EML2: variants seen among roughly 807,000 people sequenced by gnomAD.
EML2 encodes echinoderm microtubule-associated protein-like 2.
In EML2, 59 loss-of-function variants were observed where a neutral mutation model predicts 84.7. The ratio of observed to expected loss-of-function variants is 0.70; its 90% CI spans 0.56 to 0.86. The LOEUF (loss-of-function observed/expected upper bound fraction) is 0.86, where lower values mean the gene tolerates loss of function less well. Among genes scored for constraint, EML2 ranks in the 40% least tolerant of loss-of-function variants. EML2 has a pLI of 0.00. For synonymous variants in EML2, 352 were observed against 348.9 expected (o/e 1.01, Z -0.10); for missense variants, 818 against 855.6 (o/e 0.96, Z 0.55).
chr19:45,616,854 C>A lies in EML2; in HGVS notation c.1323-1G>T. ...GGTCTCCGTGTCCAGCAGCAGCCAT[C>A]TTGAAGGAGAGGGCGTGGTGGGGGG... On this transcript the variant is annotated splice_acceptor_variant, in intron 13 of 18. Coordinates refer to ENST00000245925, the MANE Select transcript of EML2 (RefSeq NM_012155.4). LOFTEE classifies it high-confidence loss of function. The A allele has an allele frequency of 1.2e-6, 2 of 1,612,252 alleles. No homozygotes were observed. Among genetic ancestry groups the A allele is most frequent in the Non-Finnish European group, 1.7e-6 (2 of 1,179,376 alleles).
intron 6 of EML2, among the ~76,000 whole-genome samples, chr19:45,630,946 C>T (rs866612605): frequency 1.3e-5 from 2 of 152,112 alleles, no homozygotes; most frequent in Non-Finnish European, 2.9e-5. Flanking sequence ...CCTCCACCTC[C>T]CAGGTTCAAG....
intron 3 of EML2, among the ~76,000 whole-genome samples, chr19:45,635,026 T>C (rs556129125): frequency 6.6e-6 from 1 of 151,674 alleles, no homozygotes; most frequent in Non-Finnish European, 1.5e-5. Context: ...AATTTTTGTA[T>C]TTTTAATAGA....
chr19:45,637,647 TTTTTTTTTCTTTTTCTTTTC>T (rs1388861491), intron 3 of EML2, among the ~76,000 whole-genome samples: 3 of 88,956 alleles, frequency 3.4e-5, no homozygotes, highest in Non-Finnish European at 2.8e-5. Context: ...GGCTGGCTAT[TTTTTTTTTCTTTTTCTTTTC>T]TTTTTTTTTT....
In EML2 at chr19:45,609,573, C is replaced by A; in HGVS notation, c.*90G>T. On this transcript the variant is annotated 3_prime_UTR_variant, in exon 19 of 19. Transcript: ENST00000245925. ...CCCCCATAACCCCCTCTGCTATAGACATACTCTGGGTATATATTACTCTAC... is the reference window on the plus strand; with the variant it reads ...CCCCCATAACCCCCTCTGCTATAGAAATACTCTGGGTATATATTACTCTAC... 3.1e-6 allele frequency: 4 copies of A among 1,283,632 alleles called. No individual in the cohort carries two copies. Among genetic ancestry groups the A allele is most frequent in the Non-Finnish European group, 3.1e-6 (3 of 966,570 alleles). 79.5% of individuals were successfully genotyped at this position (1,283,632 alleles called of 1,614,324 possible).
At chr19:45,643,450 C>G, upstream of EML2, 2 of 1,202,536 alleles carry the variant, frequency 1.7e-6, no homozygotes, top group Non-Finnish European at 1.2e-6. Flanking sequence ...CCAGATTTGG[C>G]TCTCCAGCCT....
At chr19:45,645,609 T>A, upstream of EML2, 1 of 614,174 alleles carries the variant, frequency 1.6e-6, no homozygotes, top group Non-Finnish European at 2.7e-6. Context: ...TACCGTCTGG[T>A]CCCGCCCACA....
At chr19:45,618,389 G>A (rs1216457215) in intron 12 of EML2, among the ~76,000 whole-genome samples, 1 of 151,944 alleles carries the variant, frequency 6.6e-6, no homozygotes, top group South Asian at 2.1e-4. Flanking sequence ...TTTTTATTCT[G>A]TTTACATTTT....
chr19:45,626,663 C>T (rs767171480), intron 8 of EML2, 42 bp downstream of exon 8: 2 of 1,580,862 alleles, frequency 1.3e-6, no homozygotes. Context: ...CCCTAACTAC[C>T]TCTCTCAGGG....
At chr19:45,623,885 A>G (rs937869393) in intron 9 of EML2, among the ~76,000 whole-genome samples, 1 of 152,116 alleles carries the variant, frequency 6.6e-6, no homozygotes, top group Non-Finnish European at 1.5e-5. Context: ...AGGTCTCACT[A>G]TGTTGCCCTG....
intron 3 of EML2, among the ~76,000 whole-genome samples, chr19:45,636,990 G>T (rs1973801436): frequency 6.6e-6 from 1 of 152,242 alleles, no homozygotes; most frequent in African/African-American, 2.4e-5. Context: ...CCATGAAACT[G>T]CTCTGACCTG....
At chr19:45,639,431 G>A, upstream of EML2, 2 of 1,245,078 alleles carry the variant, frequency 1.6e-6, no homozygotes, top group Non-Finnish European at 2.0e-6. Flanking sequence ...CGGCTCTGCC[G>A]CTTCCGGCCC....
chr19:45,642,550 A>G (rs1235704939), upstream of EML2: 3 of 1,387,016 alleles, frequency 2.2e-6, no homozygotes, highest in Non-Finnish European at 2.8e-6. Context: ...TCTCCAACCC[A>G]TCCGCACACT....
At chr19:45,645,531 G>T, upstream of EML2, 2 of 1,218,914 alleles carry the variant, frequency 1.6e-6, no homozygotes, top group South Asian at 1.6e-5. Flanking sequence ...GGGGGGTCGG[G>T]ACACCGCCTG....
intron 1 of EML2, 134 bp from the exon 2 acceptor site, chr19:45,639,007 CCT>C: frequency 1.9e-6 from 2 of 1,050,288 alleles, no homozygotes; most frequent in Non-Finnish European, 3.0e-6. Context: ...CAGAGCGCTG[CCT>C]CTCTGCAGGC....
At chr19:45,628,855 G>GTAAGTAAGTAAGTAAGTAAA (rs1256479451) in intron 7 of EML2, 11 of 144,336 alleles carry the variant, frequency 7.6e-5, no homozygotes, top group African/African-American at 2.6e-4. Context: ...AAGTAAGTAA[G>GTAAGTAAGTAAGTAAGTAAA]TAAATAAATA....
intron 7 of EML2, among the ~76,000 whole-genome samples, chr19:45,629,730 G>C (rs1972802168): frequency 1.3e-5 from 2 of 151,714 alleles, no homozygotes; most frequent in African/African-American, 4.8e-5. Context: ...AAGGTGCTAG[G>C]GTTACAGGTG....
chr19:45,609,561 CTCTGCTATAGACAT>C lies in EML2; in HGVS notation c.*88_*101del. ...TCTACCCTCCCGCCCCCATAACCCC[CTCTGCTATAGACAT>C]ACTCTGGGTATATATTACTCTACTC... On this transcript the variant is annotated 3_prime_UTR_variant, in exon 19 of 19. Coordinates refer to ENST00000245925, the MANE Select transcript of EML2 (RefSeq NM_012155.4). The C allele has an allele frequency of 1.6e-6, 2 of 1,289,034 alleles. No homozygotes were observed. Among genetic ancestry groups the C allele is most frequent in the Non-Finnish European group, 2.0e-6 (2 of 990,534 alleles). 79.8% of individuals were successfully genotyped at this position (1,289,034 alleles called of 1,614,324 possible).
chr19:45,612,581 G>C (rs945462423), intron 18 of EML2, among the ~76,000 whole-genome samples: 1 of 152,100 alleles, frequency 6.6e-6, no homozygotes, highest in Non-Finnish European at 1.5e-5. Context: ...GGCTGAGGTG[G>C]GCGGACCGCT....
chr19:45,615,683 A>G, intron 16 of EML2, 119 bp downstream of exon 16: 1 of 877,746 alleles, frequency 1.1e-6, no homozygotes, highest in Non-Finnish European at 1.8e-6. Context: ...ATTCCAAATC[A>G]GAACCAGCCT....
Sources: allele counts gnomAD v4.1 joint callset (sites outside exome capture counted in the v4.1 genomes callset), GRCh38; gene constraint gnomAD v4.1.1; transcripts MANE v1.5; gene names NCBI Gene and HGNC (gene_info 2026-07-23, HGNC 2026-07-21).